EPCAM: variants seen among roughly 807,000 people sequenced by gnomAD.
EPCAM encodes the protein epithelial cell adhesion molecule.
EPCAM carries 39 observed loss-of-function variants against 40.0 expected under a neutral mutation model. The observed-to-expected ratio is 0.98, with a 90% CI of 0.76 to 1.27. EPCAM has a LOEUF of 1.27. EPCAM is among the 50% of genes most tolerant of loss of function. EPCAM has a pLI of 0.00. For synonymous variants in EPCAM, 168 were observed against 132.3 expected (o/e 1.27, Z -1.85); for missense variants, 503 against 381.2 (o/e 1.32, Z -2.66).
chr2:47,371,050 G>A (rs1164531519), intron 1 of EPCAM, among the ~76,000 whole-genome samples: 4 of 152,094 alleles, frequency 2.6e-5, no homozygotes, highest in Admixed American at 6.6e-5. Flanking sequence ...TCACTATGTT[G>A]CCCAGGCTGG....
chr2:47,377,306 G>A (rs1197985841), intron 5 of EPCAM, among the ~76,000 whole-genome samples: 2 of 151,892 alleles, frequency 1.3e-5, no homozygotes, highest in South Asian at 2.1e-4. Flanking sequence ...GCAAGATCTC[G>A]GCTCAATGTA....
Position 47,369,332 on chromosome 2 carries a change from G to A in EPCAM, c.-174G>A. 2.3e-6 allele frequency: 3 copies of A among 1,309,842 alleles called. No individual in the cohort carries two copies. The highest frequency in any genetic ancestry group is 3.0e-6 in the Non-Finnish European group (3 of 1,003,808). The allele number at this position is 1,309,842 out of a possible 1,614,324, so 81.1% of individuals were successfully genotyped here. On this transcript the variant is annotated 5_prime_UTR_variant, in exon 1 of 9. Coordinates refer to ENST00000263735, the MANE Select transcript of EPCAM (RefSeq NM_002354.3). ...GCGCACAGAGCGCTAGTCCTTCGGCGAGCGAGCACCTTCGACGCGGTCCGG... is the reference window on the plus strand; with the variant it reads ...GCGCACAGAGCGCTAGTCCTTCGGCAAGCGAGCACCTTCGACGCGGTCCGG...
chr2:47,369,594 T>C lies in EPCAM; in HGVS notation c.76+13T>C, dbSNP rs1311626084. On this transcript the variant is annotated intron_variant, in intron 1 of 8. Transcript: ENST00000263735. ...GCAGCTCAGGAAGGTGAGGCGCGGA[T>C]TGGAGCAGAGTTGTGGAGCTGGGCT... The C allele has an allele frequency of 1.9e-6, 3 of 1,585,164 alleles. No homozygotes were observed. In the Admixed American group the frequency reaches 5.5e-5, roughly 29 times the overall value.
rs2103747770 is a variant in EPCAM, at chr2:47,373,984, A to G, written c.361A>G (p.Thr121Ala). 2 of 1,614,202 alleles carry G rather than the reference A, an allele frequency of 1.2e-6. No homozygotes were observed. The highest frequency in any genetic ancestry group is 2.2e-5 in the South Asian group (2 of 91,084). The change falls in exon 3 of 9, where the codon ACT (threonine) becomes GCT (alanine). Residue 121 changes from threonine (T) to alanine (A), a missense_variant. By Grantham distance (58) the Thr-to-Ala change is moderately conservative. Coordinates refer to ENST00000263735, the MANE Select transcript of EPCAM (RefSeq NM_002354.3). ...NGTSMCWCVNTAGVRRTDKDT... is the reference protein window; with the variant it reads ...NGTSMCWCVNAAGVRRTDKDT... ...CACCTCCATGTGCTGGTGTGTGAACACTGCTGGGGTCAGAAGAACAGACAA... is the reference window on the plus strand; with the variant it reads ...CACCTCCATGTGCTGGTGTGTGAACGCTGCTGGGGTCAGAAGAACAGACAA...
In EPCAM at chr2:47,376,996, A is replaced by T. The variant is rs762488504; in HGVS notation, c.492-18A>T. On this transcript the variant is annotated intron_variant, in intron 4 of 8. Transcript: ENST00000263735. Reference sequence around the variant, plus strand: ...GTACAAACATTTTTTTTTAATACAGATTTTAAATTCTTTACAGTGCACTTC... The same window carrying T: ...GTACAAACATTTTTTTTTAATACAGTTTTTAAATTCTTTACAGTGCACTTC... 5.7e-6 allele frequency: 9 copies of T among 1,572,964 alleles called. No individual in the cohort carries two copies.
Position 47,377,015 on chromosome 2 carries a change from G to A in EPCAM, c.493G>A (p.Ala165Thr), listed in dbSNP as rs146685071. The A allele has an allele frequency of 5.7e-5, 91 of 1,598,840 alleles. No homozygotes were observed. The highest frequency in any genetic ancestry group is 6.9e-5 in the Non-Finnish European group (81 of 1,166,210). Residue 165 changes from alanine to threonine, a missense_variant and splice_region_variant, in exon 5 of 9, where the codon GCA becomes ACA. Ala to Thr is a moderately conservative substitution (Grantham distance 58). Transcript: ENST00000263735. ...ATACAGATTTTAAATTCTTTACAGT[G>A]CACTTCAGAAGGAGATCACAACGCG... ...KPYDSKSLRT[A>T]LQKEITTRYQ...
In EPCAM at chr2:47,369,568, C is replaced by G. The variant is rs549177672; in HGVS notation, c.63C>G (p.Ala21=). ...LLLAAATATF[A]AAQEECVCEN... ...TTGCCGCGGCGACGGCGACTTTTGCCGCAGCTCAGGAAGGTGAGGCGCGGA... is the reference window on the plus strand; with the variant it reads ...TTGCCGCGGCGACGGCGACTTTTGCGGCAGCTCAGGAAGGTGAGGCGCGGA... The change falls in exon 1 of 9, where the codon GCC becomes GCG. Residue 21 remains alanine, a synonymous_variant. Transcript: ENST00000263735. The G allele has an allele frequency of 2.2e-4, 342 of 1,589,970 alleles. 2 individuals are homozygous for G. The East Asian group carries it at 4.7e-3, about 22-fold the overall frequency.
rs1671539457 is a variant in EPCAM, at chr2:47,379,947, T to G, written c.836T>G (p.Val279Gly). 6.2e-7 allele frequency: 1 copy of G among 1,613,104 alleles called. No homozygotes were observed. The highest frequency in any genetic ancestry group is 1.3e-5 in the African/African-American group (1 of 74,854). Residue 279 changes from valine (V) to glycine (G), a missense_variant, in exon 7 of 9, where the codon GTT (valine) becomes GGT (glycine). Transcript: ENST00000263735. ...IAVIVVVVIA[V>G]VAGIVVLVIS... is the part of the protein sequence containing the mutation. ...GTTATTGTGGTTGTGGTGATAGCAG[T>G]TGTTGCTGGAATTGTTGTGCTGGTG...
chr2:47,374,620 CTTTT>C (rs1671374160), intron 3 of EPCAM, among the ~76,000 whole-genome samples: 1 of 151,880 alleles, frequency 6.6e-6, no homozygotes, highest in Non-Finnish European at 1.5e-5. Context: ...TGTGCCCTTT[CTTTT>C]GTTTTTTCTT....
Position 47,369,582 on chromosome 2 carries a change from G to A in EPCAM, c.76+1G>A, listed in dbSNP as rs1297592132. 1.3e-6 allele frequency: 2 copies of A among 1,589,934 alleles called. No homozygotes were observed. Among genetic ancestry groups the A allele is most frequent in the Middle Eastern group, 3.6e-4 (2 of 5,484 alleles). On this transcript the variant is annotated splice_donor_variant, in intron 1 of 8. Coordinates refer to ENST00000263735, the MANE Select transcript of EPCAM (RefSeq NM_002354.3). LOFTEE classifies it high-confidence loss of function. ...GCGACTTTTGCCGCAGCTCAGGAAGGTGAGGCGCGGATTGGAGCAGAGTTG... is the reference window on the plus strand; with the variant it reads ...GCGACTTTTGCCGCAGCTCAGGAAGATGAGGCGCGGATTGGAGCAGAGTTG...
At position 47,386,833 on chromosome 2, in the gene EPCAM, G is replaced by A; in HGVS notation, c.*220G>A. 1 of 403,640 alleles carries A rather than the reference G, an allele frequency of 2.5e-6. No homozygotes were observed. Among genetic ancestry groups the A allele is most frequent in the Non-Finnish European group, 4.4e-6 (1 of 225,034 alleles). The allele number at this position is 403,640 out of a possible 1,614,324, so 25.0% of individuals were successfully genotyped here. ...AGTGTCTTATATATGCAGATCTAAT[G>A]TAAAATCCAGAACTTGGACTCCATC... On this transcript the variant is annotated 3_prime_UTR_variant, in exon 9 of 9. Coordinates refer to ENST00000263735, the MANE Select transcript of EPCAM (RefSeq NM_002354.3).
Position 47,373,410 on chromosome 2 carries a change from A to G in EPCAM, c.77-53A>G, listed in dbSNP as rs182356991. 3.5e-4 allele frequency: 378 copies of G among 1,091,746 alleles called. No individual in the cohort carries two copies. In the African/African-American group the frequency reaches 4.6e-3, roughly 13 times the overall value. The allele number at this position is 1,091,746 out of a possible 1,614,324, so 67.6% of individuals were successfully genotyped here. On this transcript the variant is annotated intron_variant, in intron 1 of 8. Transcript: ENST00000263735. ...TATTACAATATAACTTAGCTGGGAC[A>G]TGAGAGTTAATAGATCCACATTTTA... is the stretch of plus-strand genomic sequence containing the variant.
chr2:47,384,604 C>T lies in EPCAM; in HGVS notation c.859-562C>T, dbSNP rs117179802. Among the ~76,000 whole-genome samples the T allele has an allele frequency of 1.1e-3, 165 of 149,704 alleles. 3 individuals are homozygous for T. In the South Asian group the frequency reaches 0.022, roughly 20 times the overall value. ...AATTTTTTTGTTTTTTTAGTAGAGTCGGGGGGTTTCATCATGTTGGCCAGG... is the reference window on the plus strand; with the variant it reads ...AATTTTTTTGTTTTTTTAGTAGAGTTGGGGGGTTTCATCATGTTGGCCAGG... On this transcript the variant is annotated intron_variant, in intron 7 of 8. Coordinates refer to ENST00000263735, the MANE Select transcript of EPCAM (RefSeq NM_002354.3).
chr2:47,384,854 G>A (rs1447209894), intron 7 of EPCAM, among the ~76,000 whole-genome samples: 10 of 151,930 alleles, frequency 6.6e-5, no homozygotes, highest in South Asian at 6.2e-4. Flanking sequence ...CTACAGGTGC[G>A]TGCCATGACA....
chr2:47,370,200 G>A (rs1671215957), intron 1 of EPCAM, among the ~76,000 whole-genome samples: 1 of 152,202 alleles, frequency 6.6e-6, no homozygotes, highest in Non-Finnish European at 1.5e-5. Flanking sequence ...ACCGTAAAGA[G>A]TAAAAACATA....
chr2:47,384,190 G>GC (rs1405079185), intron 7 of EPCAM, among the ~76,000 whole-genome samples: 2 of 151,022 alleles, frequency 1.3e-5, no homozygotes, highest in Admixed American at 6.6e-5. Context: ...TGCAACCTCT[G>GC]CCCCCCAGGT....
At position 47,384,860 on chromosome 2, in the gene EPCAM, T is replaced by C. The variant is rs534816965; in HGVS notation, c.859-306T>C. Among the ~76,000 whole-genome samples, 5 of 152,152 alleles carry C rather than the reference T, an allele frequency of 3.3e-5. No individual in the cohort carries two copies. In the South Asian group the frequency reaches 1.0e-3, roughly 32 times the overall value. ...TAGCTGGGACTACAGGTGCGTGCCATGACACCTGGCTAATTTTTGTATTTG... is the reference window on the plus strand; with the variant it reads ...TAGCTGGGACTACAGGTGCGTGCCACGACACCTGGCTAATTTTTGTATTTG... On this transcript the variant is annotated intron_variant, in intron 7 of 8. Coordinates refer to ENST00000263735, the MANE Select transcript of EPCAM (RefSeq NM_002354.3).
At chr2:47,371,263 C>T (rs1257045451) in intron 1 of EPCAM, among the ~76,000 whole-genome samples, 1 of 152,334 alleles carries the variant, frequency 6.6e-6, no homozygotes, top group African/African-American at 2.4e-5. Flanking sequence ...CCGTCTCTCT[C>T]TCTCTCTTTT....
At chr2:47,379,186 C>G in intron 6 of EPCAM, 132 bp downstream of exon 6, 1 of 673,834 alleles carries the variant, frequency 1.5e-6, no homozygotes, top group Non-Finnish European at 2.7e-6. Flanking sequence ...TTAATTTTGT[C>G]CTCCCTGTCA....
Sources: gnomAD v4.1 joint callset for allele counts (sites outside exome capture counted in the v4.1 genomes callset) on GRCh38, gnomAD v4.1.1 for gene constraint, MANE v1.5 for transcripts, NCBI Gene and HGNC (gene_info 2026-07-23, HGNC 2026-07-21) for gene names.